The following AVIL variants were observed in gnomAD, a reference collection of about 807,000 sequenced individuals.
AVIL encodes the protein advillin.
AVIL carries 78 observed loss-of-function variants against 109.9 expected under a neutral mutation model. The ratio of observed to expected loss-of-function variants is 0.71; its 90% confidence interval spans 0.59 to 0.86. AVIL has a LOEUF of 0.86. AVIL is among the 40% of genes least tolerant of loss of function. The pLI is 0.00. For synonymous variants in AVIL, 367 were observed against 379.1 expected (o/e 0.97, Z 0.37); for missense variants, 892 against 1,016.5 (o/e 0.88, Z 1.67).
At chr12:57,806,796 A>G (rs1955955022) in intron 13 of AVIL, among the ~76,000 whole-genome samples, 1 of 152,206 alleles carries the variant, frequency 6.6e-6, no homozygotes, top group Admixed American at 6.5e-5. Context: ...TATAACTCTT[A>G]TGAAGTAGAT....
chr12:57,810,454 AGC>A lies in AVIL; in HGVS notation c.654_655del (p.Glu218AspfsTer21). 6.2e-7 allele frequency: 1 copy of A among 1,614,166 alleles called. No homozygotes were observed. Among genetic ancestry groups the A allele is most frequent in the Non-Finnish European group, 8.5e-7 (1 of 1,180,028 alleles). ...AAGGGTGTCCTGAAGGACCTTCATCAGCTCTGGGCTGGCTGCCTCCTTGTCTC... is the reference window on the plus strand; with the variant it reads ...AAGGGTGTCCTGAAGGACCTTCATCATCTGGGCTGGCTGCCTCCTTGTCTC... On this transcript the variant is annotated frameshift_variant, in exon 7 of 20. Coordinates refer to ENST00000549994, the MANE Select transcript of AVIL (RefSeq NM_006576.4). LOFTEE classifies it high-confidence loss of function.
intron 17 of AVIL, among the ~76,000 whole-genome samples, chr12:57,801,858 A>G (rs187485117): frequency 3.3e-5 from 5 of 152,356 alleles, no homozygotes; most frequent in African/African-American, 4.8e-5. Flanking sequence ...ATAGGGAGCA[A>G]TACTTCTACT....
chr12:57,808,946 C>T, intron 9 of AVIL: 1 of 195,618 alleles, frequency 5.1e-6, no homozygotes, highest in Non-Finnish European at 1.0e-5. Flanking sequence ...GTGATATCCC[C>T]TTCAATAATA....
intron 1 of AVIL, among the ~76,000 whole-genome samples, chr12:57,817,948 G>A (rs986047124): frequency 6.6e-6 from 1 of 152,186 alleles, no homozygotes; most frequent in Non-Finnish European, 1.5e-5. Context: ...TGAAATGTCA[G>A]GTTAAAAGCC....
In AVIL at chr12:57,808,255, T is replaced by C. The variant is rs1955982479; in HGVS notation, c.1133A>G (p.His378Arg). The C allele has an allele frequency of 6.2e-7, 1 of 1,614,172 alleles. No homozygotes were observed. The highest frequency in any genetic ancestry group is 8.5e-7 in the Non-Finnish European group (1 of 1,180,022). The change falls in exon 11 of 20, where the codon CAC becomes CGC. Residue 378 changes from histidine to arginine, a missense_variant. His to Arg is a conservative substitution (Grantham distance 29). Transcript: ENST00000549994. ...FQDKFDVTLL[H>R]TKPEVAAQER... ...CTGGGCAGCTACCTCTGGCTTGGTG[T>C]GTAGCAGAGTCACATCAAATTTATC...
In AVIL at chr12:57,797,457, T is replaced by C. The variant is rs1955759021; in HGVS notation, c.*425A>G. On this transcript the variant is annotated 3_prime_UTR_variant, in exon 20 of 20. Coordinates refer to ENST00000549994, the MANE Select transcript of AVIL (RefSeq NM_006576.4). ...GATCTGGGTATTTGGATTTTGCCTA[T>C]GGAGTGCATATATGATTTCAATGAT... 2.0e-6 allele frequency: 2 copies of C among 985,306 alleles called. No homozygotes were observed. Among genetic ancestry groups the C allele is most frequent in the African/African-American group, 3.5e-5 (2 of 57,250 alleles). 61.0% of individuals were successfully genotyped at this position (985,306 alleles called of 1,614,324 possible).
rs890355764 is a variant in AVIL at position 57,804,820 on chromosome 12, C to CA, written c.1672-1152dup. The stretch of plus-strand genomic sequence containing the variant: ...TGAGACTCTGTCTCAAAAAAAAAAA[C>CA]AAAAAAAAAACTGAAACTGTCGAAA... On this transcript the variant is annotated intron_variant, in intron 14 of 19. Coordinates refer to ENST00000549994, the MANE Select transcript of AVIL (RefSeq NM_006576.4). 4.5e-3 allele frequency among the ~76,000 whole-genome samples: 650 copies of CA among 144,500 alleles called. 6 individuals are homozygous for CA. Among genetic ancestry groups the CA allele is most frequent in the African/African-American group, 0.014 (534 of 39,522 alleles). 94.8% of individuals were successfully genotyped at this position (144,500 alleles called of 152,430 possible). A position where few individuals can be genotyped will look rare whatever the true frequency, so the allele number is the denominator to read the frequency against.
Position 57,809,620 on chromosome 12 carries a change from G to C in AVIL, c.916C>G (p.Gln306Glu), listed in dbSNP as rs977937165. The change falls in exon 9 of 20, where the codon CAG becomes GAG. Residue 306 changes from glutamine to glutamate, a missense_variant. Gln to Glu is a conservative substitution (Grantham distance 29). Coordinates refer to ENST00000549994, the MANE Select transcript of AVIL (RefSeq NM_006576.4). ...ACCAGCGCTTTAGACATGGCTGCCT[G>C]TTTTTCAGCCTTTGTGGCTCCTTTT... ...KGKGATKAEK[Q>E]AAMSKALGFI... The C allele has an allele frequency of 6.6e-5, 106 of 1,614,134 alleles. No individual in the cohort carries two copies. The highest frequency in any genetic ancestry group is 8.5e-5 in the Non-Finnish European group (100 of 1,180,060).
intron 4 of AVIL, 64 bp downstream of exon 4, chr12:57,813,163 G>T (rs975003994): frequency 1.3e-6 from 2 of 1,507,794 alleles, no homozygotes; most frequent in South Asian, 2.5e-5. Context: ...ATGCATGTTG[G>T]CCTTTTGGGT....
At chr12:57,815,062 C>G (rs1203383937) in intron 2 of AVIL, 1 of 152,408 alleles carries the variant, frequency 6.6e-6, no homozygotes, top group East Asian at 1.9e-4. Context: ...ACGCCATTCT[C>G]CTGCCTCAGC....
In AVIL at chr12:57,803,353, A is replaced by G. The variant is rs749137539; in HGVS notation, c.1856T>C (p.Phe619Ser). 76 of 1,614,060 alleles carry G rather than the reference A, an allele frequency of 4.7e-5. No homozygotes were observed. The highest frequency in any genetic ancestry group is 5.9e-6 in the Non-Finnish European group (7 of 1,180,028). Residue 619 changes from phenylalanine (F) to serine (S), a missense_variant, in exon 16 of 20, where the codon TTT (phenylalanine) becomes TCT (serine). Phe to Ser is a radical substitution (Grantham distance 155, BLOSUM62 -2). Transcript: ENST00000549994. ...QEILDVQSRL[F>S]ECSNKTGQFV... ...TTGGCCGGTCTTATTGGAACATTCA[A>G]AGAGACGAGACTGGACATCTAGGAT...
chr12:57,808,495 G>A lies in AVIL; in HGVS notation c.993C>T (p.Asn331=), dbSNP rs755966655. 1.2e-6 allele frequency: 2 copies of A among 1,614,120 alleles called. No homozygotes were observed. The highest frequency in any genetic ancestry group is 1.7e-6 in the Non-Finnish European group (2 of 1,180,012). ...YPSSTNVETV[N]DGAESAMFKQ... ...TGAACATGGCCGACTCAGCACCATC[G>A]TTGACGGTCTCCACATTGGTGCTGC... The change falls in exon 10 of 20, where the codon AAC becomes AAT. Residue 331 remains asparagine (N), a synonymous_variant. Coordinates refer to ENST00000549994, the MANE Select transcript of AVIL (RefSeq NM_006576.4).
At chr12:57,801,351 C>G in intron 17 of AVIL, 139 bp from the exon 18 acceptor site, 1 of 658,560 alleles carries the variant, frequency 1.5e-6, no homozygotes. Flanking sequence ...AAATGAAAAT[C>G]CCCCCTTTTG....
intron 1 of AVIL, among the ~76,000 whole-genome samples, chr12:57,818,222 A>G (rs1000766300): frequency 1.7e-4 from 12 of 70,440 alleles, no homozygotes; most frequent in Non-Finnish European, 8.5e-5. Flanking sequence ...TTGTAGAGAC[A>G]GGGTCTCACT....
At chr12:57,806,125 G>A (rs1382470121) in intron 14 of AVIL, 22 of 444,760 alleles carry the variant, frequency 4.9e-5, no homozygotes, top group South Asian at 9.7e-5. Flanking sequence ...ATGAGCCACC[G>A]TGCCCAGCTT....
At position 57,811,866 on chromosome 12, in the gene AVIL, C is replaced by T. The variant is rs147354134; in HGVS notation, c.339-739G>A. 3.3e-3 allele frequency among the ~76,000 whole-genome samples: 510 copies of T among 152,356 alleles called. 3 individuals are homozygous for T. Among genetic ancestry groups the T allele is most frequent in the African/African-American group, 0.011 (455 of 41,576 alleles). On this transcript the variant is annotated intron_variant, in intron 4 of 19. Coordinates refer to ENST00000549994, the MANE Select transcript of AVIL (RefSeq NM_006576.4). ...TTGATGGAACATTATCATCAGCCTT[C>T]GCTCCCTCTCTAGTGTTATGTGTCT...
rs200972504 is a variant in AVIL, at chr12:57,807,298, G to A, written c.1491+33C>T. On this transcript the variant is annotated intron_variant, in intron 13 of 19. Transcript: ENST00000549994. ...TGGTTTGTTAGTTTGGAACGTTCCAGCTCATGGTGTAATTTTATCAGAGCA... is the reference window on the plus strand; with the variant it reads ...TGGTTTGTTAGTTTGGAACGTTCCAACTCATGGTGTAATTTTATCAGAGCA... The A allele has an allele frequency of 5.7e-5, 92 of 1,613,996 alleles. No individual in the cohort carries two copies. The East Asian group carries it at 1.7e-3, about 30-fold the overall frequency.
intron 6 of AVIL, 45 bp from the exon 7 acceptor site, chr12:57,810,596 T>C (rs1046555846): frequency 2.5e-5 from 40 of 1,602,032 alleles, no homozygotes; most frequent in Non-Finnish European, 3.1e-5. Context: ...CTGGGACCCC[T>C]TTCTGCCTGA....
rs376294162 is a variant in AVIL at position 57,803,682 on chromosome 12, C to T, written c.1672-13G>A. 2.9e-5 allele frequency: 46 copies of T among 1,613,022 alleles called. No individual in the cohort carries two copies. The African/African-American group carries it at 3.7e-4, about 13-fold the overall frequency. ...CCCCACTAGACCCCTGAGAGTGGGGCGAGGAGAGCACAGATGTTAGTTGCA... is the reference window on the plus strand; with the variant it reads ...CCCCACTAGACCCCTGAGAGTGGGGTGAGGAGAGCACAGATGTTAGTTGCA... On this transcript the variant is annotated splice_polypyrimidine_tract_variant and intron_variant, in intron 14 of 19. Coordinates refer to ENST00000549994, the MANE Select transcript of AVIL (RefSeq NM_006576.4).
Sources: allele counts gnomAD v4.1 joint callset (sites outside exome capture counted in the v4.1 genomes callset), GRCh38; gene constraint gnomAD v4.1.1; transcripts MANE v1.5; gene names NCBI Gene and HGNC (gene_info 2026-07-23, HGNC 2026-07-21).